Variants in RGS9 observed in about 807,000 individuals in gnomAD.
RGS9 encodes the protein regulator of G-protein signalling 9.
In RGS9, 78 loss-of-function variants were observed where a neutral mutation model predicts 102.0. The observed-to-expected ratio is 0.76, with a 90% CI of 0.64 to 0.92. RGS9 has a LOEUF of 0.92. Among genes scored for constraint, RGS9 ranks in the 40% least tolerant of loss-of-function variants. The pLI, the probability that RGS9 is intolerant of heterozygous loss-of-function variation, is 0.00. For synonymous variants in RGS9, 353 were observed against 318.6 expected, an observed-to-expected ratio of 1.11 and a Z score of -1.15; for missense variants, 833 against 866.1, an observed-to-expected ratio of 0.96 and a Z score of 0.48.
chr17:65,199,563 A>G (rs1207830543), intron 13 of RGS9, among the ~76,000 whole-genome samples: 2 of 131,930 alleles, frequency 1.5e-5, no homozygotes, highest in African/African-American at 2.9e-5. Context: ...GCGTGATCTC[A>G]TCTCACTGCA....
chr17:65,209,803 C>T (rs377559276), intron 16 of RGS9, among the ~76,000 whole-genome samples: 4 of 152,266 alleles, frequency 2.6e-5, no homozygotes, highest in South Asian at 4.2e-4. Context: ...TCCAGCCAGG[C>T]GCAGTGACTC....
chr17:65,225,515 G>A (rs748040424), intron 18 of RGS9, 29 bp downstream of exon 18: 6 of 1,599,376 alleles, frequency 3.8e-6, no homozygotes, highest in South Asian at 2.2e-5. Flanking sequence ...CGTGCCGTAT[G>A]CATGGGTGGC....
In RGS9 at chr17:65,200,873, C is replaced by T. The variant is rs139219164; in HGVS notation, c.977-1120C>T. 3.8e-3 allele frequency among the ~76,000 whole-genome samples: 580 copies of T among 152,180 alleles called. 13 individuals carry two copies. The highest frequency in any genetic ancestry group is 0.013 in the African/African-American group (559 of 41,518). On this transcript the variant is annotated intron_variant, in intron 13 of 18. Coordinates refer to ENST00000262406, the MANE Select transcript of RGS9 (RefSeq NM_003835.4). ...AAGTTATGAAAAGGTATCATGAATC[C>T]ATAAAATATATATGTAGATACATAT...
intron 6 of RGS9, 51 bp from the exon 7 acceptor site, chr17:65,162,962 C>T (rs1911043324): frequency 2.0e-6 from 2 of 1,010,510 alleles, no homozygotes; most frequent in Non-Finnish European, 3.1e-6. Flanking sequence ...CCCTGCGGCA[C>T]ATGGCATATG....
intron 12 of RGS9, 34 bp downstream of exon 12, chr17:65,193,690 A>G (rs1009181830): frequency 4.4e-6 from 6 of 1,375,008 alleles, no homozygotes; most frequent in Non-Finnish European, 6.2e-6. Context: ...TTTTTAAAAA[A>G]CCGTTTTTGA....
At chr17:65,153,884 C>T (rs181266715) in intron 2 of RGS9, among the ~76,000 whole-genome samples, 5 of 152,072 alleles carry the variant, frequency 3.3e-5, no homozygotes, top group East Asian at 3.9e-4. Flanking sequence ...AGCGAGACTC[C>T]GTCTCAAACA....
intron 8 of RGS9, among the ~76,000 whole-genome samples, chr17:65,177,055 G>GTCCATCCA (rs35750645): frequency 0.039 from 5,161 of 132,908 alleles, 237 homozygotes; most frequent in African/African-American, 0.11. Flanking sequence ...TCATTTGTTT[G>GTCCATCCA]TCCATCCATC....
intron 3 of RGS9, among the ~76,000 whole-genome samples, chr17:65,159,844 T>A (rs954541534): frequency 6.6e-6 from 1 of 152,170 alleles, no homozygotes; most frequent in Non-Finnish European, 1.5e-5. Context: ...ACAAAGTGTC[T>A]GTTGGTCCAA....
chr17:65,169,585 A>G (rs1182067589), intron 8 of RGS9, among the ~76,000 whole-genome samples: 1 of 152,216 alleles, frequency 6.6e-6, no homozygotes, highest in East Asian at 1.9e-4. Flanking sequence ...GAGGGTAGGT[A>G]AAGAACGGCT....
chr17:65,150,636 A>AAAATAAACC (rs1316357158), intron 1 of RGS9, among the ~76,000 whole-genome samples: 3 of 152,114 alleles, frequency 2.0e-5, no homozygotes, highest in African/African-American at 7.2e-5. Context: ...AATAAAAATA[A>AAAATAAACC]AAATAAACCT....
chr17:65,223,254 A>G (rs976972567), intron 17 of RGS9, among the ~76,000 whole-genome samples: 5 of 152,180 alleles, frequency 3.3e-5, no homozygotes, highest in African/African-American at 1.2e-4. Context: ...TGTGATTGTT[A>G]TTACTATAAT....
In RGS9 at chr17:65,173,110, G is replaced by A. The variant is rs577929815; in HGVS notation, c.583-4622G>A. The stretch of plus-strand genomic sequence containing the variant: ...GCTAATTTTTTGTATCTTTAGTAGA[G>A]ATGGGTTTTCACTGTGTTGGCCAGG... On this transcript the variant is annotated intron_variant, in intron 8 of 18. Transcript: ENST00000262406. The surrounding 1 kb of genome is among the most constrained non-coding windows in gnomAD (Gnocchi z 4.8). 6.6e-6 allele frequency among the ~76,000 whole-genome samples: 1 copy of A among 151,960 alleles called. No individual in the cohort carries two copies. The highest frequency in any genetic ancestry group is 1.9e-4 in the East Asian group (1 of 5,152).
chr17:65,204,824 C>A (rs1241472929), intron 15 of RGS9, among the ~76,000 whole-genome samples: 1 of 152,146 alleles, frequency 6.6e-6, no homozygotes, highest in Non-Finnish European at 1.5e-5. Context: ...TCAAAGACAG[C>A]CCACAAGTTA....
rs1913475910 is a variant in RGS9 at position 65,215,494 on chromosome 17, T to TTCTTTC, written c.1407+4891_1407+4892insTTTCTC. 4.7e-5 allele frequency among the ~76,000 whole-genome samples: 5 copies of TTCTTTC among 106,940 alleles called. No homozygotes were observed. The South Asian group carries it at 1.2e-3, about 25-fold the overall frequency. The allele number at this position is 106,940 out of a possible 152,430, so 70.2% of individuals were successfully genotyped here. On this transcript the variant is annotated intron_variant, in intron 17 of 18. Transcript: ENST00000262406. ...TCTTTCTCTATCTTTCTTTCGTTCTTTCGTTCTTTCTTTCTTTCTTTCTTT... is the reference window on the plus strand; with the variant it reads ...TCTTTCTCTATCTTTCTTTCGTTCTTTCTTTCTCGTTCTTTCTTTCTTTCTTTCTTT...
chr17:65,217,603 A>G (rs367924107), intron 17 of RGS9, among the ~76,000 whole-genome samples: 3 of 151,894 alleles, frequency 2.0e-5, no homozygotes, highest in African/African-American at 7.3e-5. Context: ...CATTTCAAGT[A>G]GTTTGGGAGG....
Position 65,225,340 on chromosome 17 carries a change from C to T in RGS9, c.1746C>T (p.Phe582=), listed in dbSNP as rs1905606066. Residue 582 remains phenylalanine (F), a synonymous_variant, in exon 18 of 19, where the codon TTC becomes TTT. Coordinates refer to ENST00000262406, the MANE Select transcript of RGS9 (RefSeq NM_003835.4). ...CTAAGGCCCGCATGGCTCTGTCCTTCAGCAGGTTTCTGAGACGAGGCTGTC... is the reference window on the plus strand; with the variant it reads ...CTAAGGCCCGCATGGCTCTGTCCTTTAGCAGGTTTCTGAGACGAGGCTGTC... ...APPKARMALS[F]SRFLRRGCLA... 1 of 1,611,508 alleles carries T rather than the reference C, an allele frequency of 6.2e-7. No individual in the cohort carries two copies. Among genetic ancestry groups the T allele is most frequent in the Non-Finnish European group, 8.5e-7 (1 of 1,180,028 alleles).
intron 8 of RGS9, among the ~76,000 whole-genome samples, chr17:65,177,176 ACCCATC>A (rs1911673233): frequency 6.7e-6 from 1 of 150,040 alleles, no homozygotes. Flanking sequence ...CCATCCATCC[ACCCATC>A]CATCCATCCG....
At chr17:65,179,135 C>T (rs748798510) in intron 9 of RGS9, among the ~76,000 whole-genome samples, 80 of 151,990 alleles carry the variant, frequency 5.3e-4, no homozygotes, top group Admixed American at 1.2e-3. Flanking sequence ...CTCTGCAGAG[C>T]CTTAAGGCAT....
intron 1 of RGS9, among the ~76,000 whole-genome samples, chr17:65,149,552 G>A (rs1910500460): frequency 1.3e-5 from 2 of 152,042 alleles, no homozygotes; most frequent in Non-Finnish European, 2.9e-5. Context: ...TTGTTGACCT[G>A]GGTTTCTATT....
Sources: allele counts gnomAD v4.1 joint callset (sites outside exome capture counted in the v4.1 genomes callset), GRCh38; gene constraint gnomAD v4.1.1; non-coding constraint Gnocchi (gnomAD v3.1); transcripts MANE v1.5; gene names NCBI Gene and HGNC (gene_info 2026-07-23, HGNC 2026-07-21).